L3MBTL3: variants seen among roughly 807,000 people sequenced by gnomAD.
L3MBTL3 encodes the protein lethal(3)malignant brain tumor-like protein 3.
L3MBTL3 carries 27 observed loss-of-function variants against 102.3 expected under a neutral mutation model. The observed-to-expected ratio is 0.26, with a 90% CI of 0.19 to 0.36. The LOEUF (loss-of-function observed/expected upper bound fraction) is 0.36, where lower values mean the gene tolerates loss of function less well. Ranked by LOEUF, L3MBTL3 falls within the 10% of genes least tolerant of loss-of-function variation. The pLI is 1.00. For synonymous variants in L3MBTL3, 340 were observed against 320.9 expected (o/e 1.06, Z -0.64); for missense variants, 798 against 955.3 (o/e 0.84, Z 2.17).
rs570953405 is a variant in L3MBTL3, at chr6:130,088,292, C to T, written c.1518+2042C>T. ...ATGAGGTCTTTAAAAGGCTTGTATA[C>T]AGGGGTCAGTGACTAAGTTTCAGAA... On this transcript the variant is annotated intron_variant, in intron 16 of 22. Transcript: ENST00000361794. 2.0e-5 allele frequency among the ~76,000 whole-genome samples: 3 copies of T among 152,194 alleles called. No individual in the cohort carries two copies. In the South Asian group the frequency reaches 6.2e-4, roughly 32 times the overall value.
At position 130,041,996 on chromosome 6, in the gene L3MBTL3, C is replaced by T. The variant is rs527574459; in HGVS notation, c.-15-689C>T. Among the ~76,000 whole-genome samples, 10 of 152,230 alleles carry T rather than the reference C, an allele frequency of 6.6e-5. No homozygotes were observed. The East Asian group carries it at 1.9e-3, about 29-fold the overall frequency. On this transcript the variant is annotated intron_variant, in intron 2 of 22. Transcript: ENST00000361794. ...ACACATCATGAATTCATACTGATAC[C>T]TCCATTCAGATTTAGGAGCCATCAA...
At chr6:130,126,933 G>C (rs1034180425) in intron 20 of L3MBTL3, among the ~76,000 whole-genome samples, 1 of 152,182 alleles carries the variant, frequency 6.6e-6, no homozygotes, top group African/African-American at 2.4e-5. Context: ...AAGGAGAATG[G>C]GGGTGGGATT....
At chr6:130,062,990 C>CT (rs367985147) in intron 10 of L3MBTL3, among the ~76,000 whole-genome samples, 2,743 of 125,570 alleles carry the variant, frequency 0.022, 50 homozygotes, top group African/African-American at 0.062. Context: ...TCTTGCCTTT[C>CT]TTTTTTTTTT....
chr6:130,095,327 T>C (rs1784298827), intron 18 of L3MBTL3, among the ~76,000 whole-genome samples: 1 of 152,150 alleles, frequency 6.6e-6, no homozygotes, highest in South Asian at 2.1e-4. Context: ...GTGGATATAG[T>C]TTTCTCTTTT....
rs12530176 is a variant in L3MBTL3 at position 130,028,330 on chromosome 6, G to A, written c.-16+6025G>A. 2.0e-5 allele frequency among the ~76,000 whole-genome samples: 3 copies of A among 152,048 alleles called. No individual in the cohort carries two copies. The South Asian group carries it at 6.2e-4, about 32-fold the overall frequency. On this transcript the variant is annotated intron_variant, in intron 2 of 22. Transcript: ENST00000361794. ...GATCATTCACATTAAAATATGACTA[G>A]CTGATAAAGGGACAGTGTTTTTGAG...
rs529508172 is a variant in L3MBTL3, at chr6:130,093,435, T to A, written c.1633+576T>A. 3.1e-3 allele frequency among the ~76,000 whole-genome samples: 471 copies of A among 152,306 alleles called. 4 individuals are homozygous for A. Among genetic ancestry groups the A allele is most frequent in the Admixed American group, 5.4e-3 (82 of 15,298 alleles). On this transcript the variant is annotated intron_variant, in intron 17 of 22. Transcript: ENST00000361794. ...ATACAATAAATTATTATCAAGTTTT[T>A]AAAAAATTTAGTGTACTTCTGTATC...
Position 130,089,839 on chromosome 6 carries a change from C to CAA in L3MBTL3, c.1519-2895_1519-2894dup, listed in dbSNP as rs35333288. ...CAGTGATGATGAGTATTTTTCACAG[C>CAA]AAAAAAAAAAAACTACCATCAGAGT... is the stretch of plus-strand genomic sequence containing the variant. On this transcript the variant is annotated intron_variant, in intron 16 of 22. Transcript: ENST00000361794. 3.6e-3 allele frequency among the ~76,000 whole-genome samples: 526 copies of CAA among 146,144 alleles called. 2 individuals are homozygous for CAA. The highest frequency in any genetic ancestry group is 0.014 in the Admixed American group (205 of 14,812).
At chr6:130,123,747 CGGTACT>C in intron 20 of L3MBTL3, among the ~76,000 whole-genome samples, 1 of 152,090 alleles carries the variant, frequency 6.6e-6, no homozygotes. Context: ...GCACTTTGTC[CGGTACT>C]GGATAGCACC....
chr6:130,079,089 A>G (rs1425951064), intron 14 of L3MBTL3, among the ~76,000 whole-genome samples: 1 of 152,202 alleles, frequency 6.6e-6, no homozygotes, highest in Non-Finnish European at 1.5e-5. Flanking sequence ...AAGTCCAGAA[A>G]AATGGATAAG....
chr6:130,025,040 T>C (rs1779254942), intron 2 of L3MBTL3, among the ~76,000 whole-genome samples: 1 of 152,154 alleles, frequency 6.6e-6, no homozygotes, highest in Non-Finnish European at 1.5e-5. Context: ...TCAAGGAATG[T>C]CTAGCAAGAG....
intron 2 of L3MBTL3, among the ~76,000 whole-genome samples, chr6:130,024,888 A>C (rs1026057646): frequency 9.9e-5 from 15 of 152,162 alleles, no homozygotes; most frequent in South Asian, 4.1e-4. Flanking sequence ...CACTCTTTGG[A>C]GCTGTTGAAC....
rs141121907 is a variant in L3MBTL3, at chr6:130,133,978, G to C, written c.2199+73G>C. 8.2e-7 allele frequency: 1 copy of C among 1,215,452 alleles called. No homozygotes were observed. Among genetic ancestry groups the C allele is most frequent in the African/African-American group, 1.5e-5 (1 of 67,236 alleles). The allele number at this position is 1,215,452 out of a possible 1,614,324, so 75.3% of individuals were successfully genotyped here. On this transcript the variant is annotated intron_variant, in intron 22 of 22. Transcript: ENST00000361794. The surrounding 1 kb of genome is among the most constrained non-coding windows in gnomAD (Gnocchi z 4.9). Reference sequence around the variant, plus strand: ...ACTGAAATGCAGTGGAAGGTGAAATGTGTGGAATTGGCAGAGTCAAAAAGA... The same window carrying C: ...ACTGAAATGCAGTGGAAGGTGAAATCTGTGGAATTGGCAGAGTCAAAAAGA...
intron 12 of L3MBTL3, among the ~76,000 whole-genome samples, chr6:130,069,652 A>G (rs752228712): frequency 6.6e-6 from 1 of 152,170 alleles, no homozygotes; most frequent in South Asian, 2.1e-4. Flanking sequence ...GTTGGGTGGA[A>G]AACTTAGCAG....
chr6:130,051,107 C>T (rs995533407), intron 5 of L3MBTL3, 142 bp from the exon 6 acceptor site: 19 of 624,682 alleles, frequency 3.0e-5, no homozygotes, highest in Non-Finnish European at 4.8e-5. Context: ...CCCGAAAACA[C>T]TATCATTTGA....
chr6:130,109,961 T>A (rs1785246301), intron 19 of L3MBTL3, among the ~76,000 whole-genome samples: 1 of 152,350 alleles, frequency 6.6e-6, no homozygotes, highest in East Asian at 1.9e-4. Context: ...GAAAATCGTT[T>A]CCCGCTTGCT....
At chr6:130,070,343 A>T (rs935302627) in intron 12 of L3MBTL3, among the ~76,000 whole-genome samples, 1 of 152,120 alleles carries the variant, frequency 6.6e-6, no homozygotes, top group African/African-American at 2.4e-5. Context: ...TTATCTGTGG[A>T]TTTCTTTAAG....
chr6:130,107,696 A>G (rs779852961), intron 19 of L3MBTL3, among the ~76,000 whole-genome samples: 3 of 152,224 alleles, frequency 2.0e-5, no homozygotes. Flanking sequence ...AAATGCTGTC[A>G]GTGATGCCAA....
At chr6:130,116,129 T>C in intron 19 of L3MBTL3, among the ~76,000 whole-genome samples, 1 of 145,294 alleles carries the variant, frequency 6.9e-6, no homozygotes, top group East Asian at 1.9e-4. Flanking sequence ...GAAGAAAGGT[T>C]AGTTAAAGAC....
chr6:130,064,509 G>A (rs1469184529), intron 10 of L3MBTL3, among the ~76,000 whole-genome samples: 1 of 152,160 alleles, frequency 6.6e-6, no homozygotes, highest in Non-Finnish European at 1.5e-5. Flanking sequence ...CATCCATATG[G>A]ATGACGAAAG....
Sources: gnomAD v4.1 joint callset for allele counts (sites outside exome capture counted in the v4.1 genomes callset) on GRCh38, gnomAD v4.1.1 for gene constraint, Gnocchi (gnomAD v3.1) non-coding constraint, MANE v1.5 for transcripts, NCBI Gene and HGNC (gene_info 2026-07-23, HGNC 2026-07-21) for gene names.